Variants in GTF3C1 observed in about 807,000 individuals in gnomAD.
GTF3C1 encodes the protein general transcription factor IIIC subunit 1.
A neutral mutation model predicts 226.7 loss-of-function variants in GTF3C1; 57 were observed. The observed-to-expected ratio is 0.25, with a 90% confidence interval of 0.20 to 0.31. The LOEUF is 0.31. GTF3C1 is among the 10% of genes least tolerant of loss of function. The probability of loss-of-function intolerance (pLI) is 1.00; values close to 1 mark genes in which losing one functional copy is unlikely to be tolerated. For synonymous variants in GTF3C1, 1,090 were observed against 1,084.8 expected, an observed-to-expected ratio of 1.00 and a Z score of -0.09; for missense variants, 2,217 against 2,776.1, an observed-to-expected ratio of 0.80 and a Z score of 4.53.
chr16:27,496,525 G>T (rs1263118022), intron 14 of GTF3C1, among the ~76,000 whole-genome samples: 4 of 152,150 alleles, frequency 2.6e-5, no homozygotes, highest in African/African-American at 9.7e-5. Flanking sequence ...CAATTCTCCT[G>T]CCTCAGCCTC....
intron 10 of GTF3C1, among the ~76,000 whole-genome samples, chr16:27,505,002 G>A (rs1229283459): frequency 6.6e-6 from 1 of 152,092 alleles, no homozygotes; most frequent in Admixed American, 6.5e-5. Context: ...CCGAGACCAT[G>A]CATCTACTCC....
chr16:27,502,784 G>A (rs1454104503), intron 11 of GTF3C1, 75 bp downstream of exon 11: 1 of 1,467,040 alleles, frequency 6.8e-7, no homozygotes, highest in East Asian at 2.5e-5. Flanking sequence ...TGGTGTCCAT[G>A]GCTTGTGATG....
At chr16:27,477,180 C>T (rs892944391) in intron 28 of GTF3C1, among the ~76,000 whole-genome samples, 2 of 152,204 alleles carry the variant, frequency 1.3e-5, no homozygotes, top group Admixed American at 1.3e-4. Flanking sequence ...ACCTCTGCCA[C>T]CCTAGAAACA....
intron 29 of GTF3C1, among the ~76,000 whole-genome samples, chr16:27,475,723 C>A (rs987734860): frequency 6.6e-6 from 1 of 152,202 alleles, no homozygotes; most frequent in African/African-American, 2.4e-5. Flanking sequence ...AGTAGAGCGG[C>A]CGCGTGGACC....
chr16:27,481,031 C>T (rs780652288), intron 27 of GTF3C1, 48 bp downstream of exon 27: 1 of 1,493,490 alleles, frequency 6.7e-7, no homozygotes, highest in South Asian at 1.1e-5. Flanking sequence ...CTGGCCTTTT[C>T]TTCTTGCCCT....
At position 27,462,115 on chromosome 16, in the gene GTF3C1, G is replaced by C. The variant is rs2087714295; in HGVS notation, c.6117+179C>G. On this transcript the variant is annotated intron_variant, in intron 36 of 36. Transcript: ENST00000356183. This position sits in a 1 kb window ranked among gnomAD's most constrained non-coding sequence, Gnocchi z 4.5. ...CTTCCAGCCTGGTCAGCAGCATGGAGCTGGTGAAGGACACTGAGGGACAGC... is the reference window on the plus strand; with the variant it reads ...CTTCCAGCCTGGTCAGCAGCATGGACCTGGTGAAGGACACTGAGGGACAGC... 6.7e-6 allele frequency: 4 copies of C among 597,336 alleles called. No homozygotes were observed. The highest frequency in any genetic ancestry group is 1.2e-5 in the Non-Finnish European group (4 of 335,454). 37.0% of individuals were successfully genotyped at this position (597,336 alleles called of 1,614,324 possible).
At position 27,507,188 on chromosome 16, in the gene GTF3C1, C is replaced by T; in HGVS notation, c.1243-32G>A. On this transcript the variant is annotated intron_variant, in intron 8 of 36. Transcript: ENST00000356183. The surrounding 1 kb of genome is among the most constrained non-coding windows in gnomAD (Gnocchi z 4.9). ...GGAATAAGATGTGTTTATCCCACTGCAAAGAGGGCGTCATACCCACAGGGG... is the reference window on the plus strand; with the variant it reads ...GGAATAAGATGTGTTTATCCCACTGTAAAGAGGGCGTCATACCCACAGGGG... The T allele has an allele frequency of 6.7e-7, 1 of 1,493,358 alleles. No homozygotes were observed. The highest frequency in any genetic ancestry group is 9.2e-7 in the Non-Finnish European group (1 of 1,090,838). The allele number at this position is 1,493,358 out of a possible 1,614,324, so 92.5% of individuals were successfully genotyped here.
At chr16:27,505,698 A>T (rs766748264) in intron 10 of GTF3C1, among the ~76,000 whole-genome samples, 13 of 152,244 alleles carry the variant, frequency 8.5e-5, no homozygotes, top group Admixed American at 1.3e-4. Context: ...CCATGCAGAC[A>T]ATCTCTGCGT....
intron 16 of GTF3C1, among the ~76,000 whole-genome samples, chr16:27,494,123 C>T (rs537408165): frequency 7.2e-5 from 11 of 152,144 alleles, no homozygotes; most frequent in Admixed American, 2.0e-4. Context: ...ATGTTTTGGT[C>T]GGGTGCAATG....
chr16:27,498,018 C>T lies in GTF3C1; in HGVS notation c.2166-197G>A, dbSNP rs116988347. On this transcript the variant is annotated intron_variant, in intron 13 of 36. Coordinates refer to ENST00000356183, the MANE Select transcript of GTF3C1 (RefSeq NM_001520.4). Reference sequence around the variant, plus strand: ...TTGGGGGTGGTGGGGATTGTGGGGCCCTGAAGAGGGCACCCCCACTTATGG... The same window carrying T: ...TTGGGGGTGGTGGGGATTGTGGGGCTCTGAAGAGGGCACCCCCACTTATGG... Among the ~76,000 whole-genome samples the T allele has an allele frequency of 5.2e-3, 787 of 152,160 alleles. 2 individuals carry two copies. The highest frequency in any genetic ancestry group is 8.3e-3 in the Non-Finnish European group (565 of 68,000).
At chr16:27,511,987 A>T in intron 6 of GTF3C1, 86 bp from the exon 7 acceptor site, 5 of 1,423,972 alleles carry the variant, frequency 3.5e-6, no homozygotes, top group Admixed American at 1.8e-5. Context: ...ATCACAGCAC[A>T]TGTCAGCAGA....
At chr16:27,515,607 A>AG (rs2088645263) in intron 6 of GTF3C1, among the ~76,000 whole-genome samples, 1 of 152,132 alleles carries the variant, frequency 6.6e-6, no homozygotes, top group Admixed American at 6.5e-5. Flanking sequence ...AAACGTTTGG[A>AG]GGGAAGGTAG....
In GTF3C1 at chr16:27,463,993, G is replaced by A. The variant is rs1044584017; in HGVS notation, c.5872+327C>T. 5 of 420,504 alleles carry A rather than the reference G, an allele frequency of 1.2e-5. No individual in the cohort carries two copies. The highest frequency in any genetic ancestry group is 4.1e-5 in the African/African-American group (2 of 48,228). The allele number at this position is 420,504 out of a possible 1,614,324, so 26.0% of individuals were successfully genotyped here. On this transcript the variant is annotated intron_variant, in intron 34 of 36. Coordinates refer to ENST00000356183, the MANE Select transcript of GTF3C1 (RefSeq NM_001520.4). The surrounding 1 kb of genome is among the most constrained non-coding windows in gnomAD (Gnocchi z 4.9). ...ACAGACGTGCAGGAAAGGAAAGGGC[G>A]TGCTGCCACCCGAGGAAGTTGAGAC... is the stretch of plus-strand genomic sequence containing the variant.
At chr16:27,535,671 T>C (rs946747297) in intron 4 of GTF3C1, among the ~76,000 whole-genome samples, 1 of 151,894 alleles carries the variant, frequency 6.6e-6, no homozygotes, top group African/African-American at 2.4e-5. Context: ...AGTGATCTCT[T>C]CTGAGGTCGG....
intron 5 of GTF3C1, among the ~76,000 whole-genome samples, chr16:27,532,466 T>C (rs2088931566): frequency 6.6e-6 from 1 of 152,224 alleles, no homozygotes; most frequent in Admixed American, 6.5e-5. Context: ...CCATGTTGTT[T>C]TCCTCCCATC....
chr16:27,475,925 T>C (rs536573675), intron 29 of GTF3C1, among the ~76,000 whole-genome samples: 2 of 152,322 alleles, frequency 1.3e-5, no homozygotes, highest in South Asian at 4.1e-4. Context: ...TCTTAAACAT[T>C]AGACTTAAAA....
At chr16:27,473,313 C>G (rs1233943122) in intron 29 of GTF3C1, among the ~76,000 whole-genome samples, 8 of 152,252 alleles carry the variant, frequency 5.3e-5, no homozygotes, top group African/African-American at 1.7e-4. Flanking sequence ...TGGACCTGGG[C>G]CCCGCCTAGT....
Position 27,507,175 on chromosome 16 carries a change from G to T in GTF3C1, c.1243-19C>A. 10 of 1,565,202 alleles carry T rather than the reference G, an allele frequency of 6.4e-6. No individual in the cohort carries two copies. The highest frequency in any genetic ancestry group is 1.4e-5 in the African/African-American group (1 of 73,682). On this transcript the variant is annotated intron_variant, in intron 8 of 36. Transcript: ENST00000356183. The surrounding 1 kb of genome is among the most constrained non-coding windows in gnomAD (Gnocchi z 4.9). ...TGAATCCCTAGAGGGAATAAGATGTGTTTATCCCACTGCAAAGAGGGCGTC... is the reference window on the plus strand; with the variant it reads ...TGAATCCCTAGAGGGAATAAGATGTTTTTATCCCACTGCAAAGAGGGCGTC...
chr16:27,472,013 T>C, intron 29 of GTF3C1, 93 bp from the exon 30 acceptor site: 1 of 1,130,642 alleles, frequency 8.8e-7, no homozygotes, highest in Non-Finnish European at 1.3e-6. Context: ...GCTGATGCTT[T>C]ATAGAGGAAG....
Sources: gnomAD v4.1 joint callset for allele counts (sites outside exome capture counted in the v4.1 genomes callset) on GRCh38, gnomAD v4.1.1 for gene constraint, Gnocchi (gnomAD v3.1) non-coding constraint, MANE v1.5 for transcripts, NCBI Gene and HGNC (gene_info 2026-07-23, HGNC 2026-07-21) for gene names.